The following ZWILCH variants were observed in gnomAD, a reference collection of about 807,000 sequenced individuals.
The protein encoded by ZWILCH is zwilch kinetochore protein, also known as protein zwilch homolog.
Under a neutral mutation model 79.9 loss-of-function variants are expected in ZWILCH, and 74 were observed. That is an observed-to-expected ratio of 0.93 (90% confidence interval 0.77 to 1.12). ZWILCH has a LOEUF of 1.12. Ranked by LOEUF, ZWILCH falls within the 50% of genes most tolerant of loss-of-function variation. The pLI, the probability that ZWILCH is intolerant of heterozygous loss-of-function variation, is 0.00. For missense variants in ZWILCH, 694 were observed against 687.5 expected (o/e 1.01, Z -0.11); for synonymous variants, 241 against 228.2 (o/e 1.06, Z -0.51).
intron 13 of ZWILCH, 72 bp from the exon 14 acceptor site, chr15:66,532,913 A>G: frequency 9.9e-7 from 1 of 1,007,766 alleles, no homozygotes; most frequent in Non-Finnish European, 1.4e-6. Context: ...ATAGAAATTT[A>G]AATTAATTTC....
chr15:66,523,534 G>A (rs1595912179), intron 7 of ZWILCH, 143 bp from the exon 8 acceptor site: 5 of 608,050 alleles, frequency 8.2e-6, no homozygotes, highest in East Asian at 5.1e-5. Flanking sequence ...TAAATGATGT[G>A]TTGACCTCAT....
At chr15:66,539,222 G>A (rs1234584046) in intron 16 of ZWILCH, among the ~76,000 whole-genome samples, 1 of 151,888 alleles carries the variant, frequency 6.6e-6, no homozygotes, top group East Asian at 1.9e-4. Flanking sequence ...GGGCAACACG[G>A]TGAAACCCTG....
rs186331528 is a variant in ZWILCH at position 66,540,325 on chromosome 15, G to C, written c.1687+115G>C. ...CCAGCACTTTGGGAGGCCGGGGTGG[G>C]CAGATTGTGTGAGCTCAGGAGTTTG... On this transcript the variant is annotated intron_variant, in intron 17 of 18. Coordinates refer to ENST00000307897, the MANE Select transcript of ZWILCH (RefSeq NM_017975.5). 2.7e-3 allele frequency: 1,956 copies of C among 734,836 alleles called. 7 individuals carry two copies. Among genetic ancestry groups the C allele is most frequent in the Non-Finnish European group, 3.4e-3 (1,574 of 456,616 alleles). The allele number at this position is 734,836 out of a possible 1,614,324, so 45.5% of individuals were successfully genotyped here. A position where few individuals can be genotyped will look rare whatever the true frequency, so the allele number is the denominator to read the frequency against.
rs575486493 is a variant in ZWILCH, at chr15:66,525,152, C to T, written c.819+1404C>T. 2.9e-4 allele frequency among the ~76,000 whole-genome samples: 44 copies of T among 152,330 alleles called. No homozygotes were observed. The South Asian group carries it at 7.9e-3, about 27-fold the overall frequency. ...GTCCCATCGTTCCTTCAATTTCCTA[C>T]GCTAGAAATCTCATATTTCACTTTA... On this transcript the variant is annotated intron_variant, in intron 8 of 18. Transcript: ENST00000307897.
intron 17 of ZWILCH, among the ~76,000 whole-genome samples, chr15:66,545,458 A>T (rs1192095582): frequency 6.6e-6 from 1 of 152,272 alleles, no homozygotes; most frequent in Non-Finnish European, 1.5e-5. Flanking sequence ...ATAAGCAAGT[A>T]TACTGAACAC....
chr15:66,520,320 T>C (rs939735781), intron 5 of ZWILCH, among the ~76,000 whole-genome samples: 2 of 151,982 alleles, frequency 1.3e-5, no homozygotes, highest in South Asian at 2.1e-4. Context: ...AGGGTCTTGC[T>C]ATGTTGCCCA....
At chr15:66,505,893 A>AT (rs1893796641) in intron 1 of ZWILCH, 2 of 162,794 alleles carry the variant, frequency 1.2e-5, no homozygotes, top group Non-Finnish European at 2.7e-5. Context: ...ACTTCATTTT[A>AT]TTCTTATGGT....
chr15:66,536,180 G>A lies in ZWILCH; in HGVS notation c.1478+111G>A. On this transcript the variant is annotated intron_variant, in intron 15 of 18. Transcript: ENST00000307897. Reference sequence around the variant, plus strand: ...AGTTAGGATAGAACCTCTTCATCCTGTCTTTACAGTAGCATGCATGAGTCT... The same window carrying A: ...AGTTAGGATAGAACCTCTTCATCCTATCTTTACAGTAGCATGCATGAGTCT... The A allele has an allele frequency of 3.3e-6, 3 of 914,076 alleles. No individual in the cohort carries two copies. In the South Asian group the frequency reaches 6.0e-5, roughly 18 times the overall value. 56.6% of individuals were successfully genotyped at this position (914,076 alleles called of 1,614,324 possible).
chr15:66,508,015 C>CA (rs1279852899), intron 1 of ZWILCH, among the ~76,000 whole-genome samples: 1 of 151,360 alleles, frequency 6.6e-6, no homozygotes. Flanking sequence ...AAGAATAAAT[C>CA]ACGATCTTTC....
chr15:66,506,001 G>A (rs1287498199), intron 1 of ZWILCH, among the ~76,000 whole-genome samples: 2 of 152,140 alleles, frequency 1.3e-5, no homozygotes, highest in Non-Finnish European at 2.9e-5. Flanking sequence ...ATCACCGGGG[G>A]ATTGTCAAAA....
chr15:66,513,519 A>T (rs937361356), intron 2 of ZWILCH, among the ~76,000 whole-genome samples: 1 of 151,654 alleles, frequency 6.6e-6, no homozygotes, highest in Non-Finnish European at 1.5e-5. Context: ...TGCACTATGC[A>T]TATGCCTATG....
Position 66,521,123 on chromosome 15 carries a change from A to G in ZWILCH, c.665A>G (p.Gln222Arg), listed in dbSNP as rs1332883695. 1.9e-6 allele frequency: 3 copies of G among 1,614,046 alleles called. No homozygotes were observed. Among genetic ancestry groups the G allele is most frequent in the Admixed American group, 3.3e-5 (2 of 59,996 alleles). ...SALDDTITAS[Q>R]TAIALDISWS... ...TTGGATGATACAATCACAGCATCACAAACTGCGATCGCTTTGGATATTTCC... is the reference window on the plus strand; with the variant it reads ...TTGGATGATACAATCACAGCATCACGAACTGCGATCGCTTTGGATATTTCC... The change falls in exon 7 of 19, where the codon CAA (glutamine) becomes CGA (arginine). Residue 222 changes from glutamine (Q) to arginine (R), a missense_variant. Physicochemically the swap from Gln to Arg is conservative, Grantham distance 43. Coordinates refer to ENST00000307897, the MANE Select transcript of ZWILCH (RefSeq NM_017975.5).
chr15:66,511,795 A>T (rs1244723536), intron 2 of ZWILCH, among the ~76,000 whole-genome samples: 1 of 152,090 alleles, frequency 6.6e-6, no homozygotes, highest in Middle Eastern at 3.4e-3. Context: ...TTGTATTTTT[A>T]GTGGAGACGG....
At chr15:66,519,114 T>C in intron 5 of ZWILCH, 36 bp downstream of exon 5, 2 of 1,579,018 alleles carry the variant, frequency 1.3e-6, no homozygotes, top group Non-Finnish European at 1.7e-6. Context: ...TGTGTGTATT[T>C]ATTCATTTGT....
rs779510362 is a variant in ZWILCH at position 66,532,981 on chromosome 15, A to G, written c.1313-4A>G. The G allele has an allele frequency of 1.3e-6, 2 of 1,562,574 alleles. No homozygotes were observed. The highest frequency in any genetic ancestry group is 2.3e-5 in the East Asian group (1 of 43,500). On this transcript the variant is annotated splice_region_variant and splice_polypyrimidine_tract_variant and intron_variant, in intron 13 of 18. Coordinates refer to ENST00000307897, the MANE Select transcript of ZWILCH (RefSeq NM_017975.5). The stretch of plus-strand genomic sequence containing the variant: ...TTTTGCATGTATGTGTTTTTTCTTA[A>G]TAGGTCAGGAACTTGCATCTTTGAA...
intron 4 of ZWILCH, 125 bp from the exon 5 acceptor site, chr15:66,518,754 T>C (rs1894380154): frequency 1.2e-6 from 1 of 834,474 alleles, no homozygotes; most frequent in Non-Finnish European, 1.9e-6. Flanking sequence ...AAGGCTGTAG[T>C]GAGCTATGAT....
chr15:66,530,906 A>C (rs1222420551), intron 12 of ZWILCH, among the ~76,000 whole-genome samples: 1 of 152,194 alleles, frequency 6.6e-6, no homozygotes, highest in Non-Finnish European at 1.5e-5. Flanking sequence ...TTAGCCGTTG[A>C]ATTTTTCTCT....
chr15:66,506,514 C>G (rs9673063), intron 1 of ZWILCH, among the ~76,000 whole-genome samples: 1 of 152,074 alleles, frequency 6.6e-6, no homozygotes. Flanking sequence ...ACTAAAAATA[C>G]AAAAATTAGC....
chr15:66,533,416 G>A (rs568683133), intron 14 of ZWILCH, among the ~76,000 whole-genome samples: 2 of 152,058 alleles, frequency 1.3e-5, no homozygotes, highest in East Asian at 3.9e-4. Flanking sequence ...ATACTTTTGG[G>A]TTTCAGGGTC....
Sources: allele counts gnomAD v4.1 joint callset (sites outside exome capture counted in the v4.1 genomes callset), GRCh38; gene constraint gnomAD v4.1.1; transcripts MANE v1.5; gene names NCBI Gene and HGNC (gene_info 2026-07-23, HGNC 2026-07-21).